CPOX: variants seen among roughly 807,000 people sequenced by gnomAD.
CPOX encodes oxygen-dependent coproporphyrinogen-III oxidase, mitochondrial.
In CPOX, 24 loss-of-function variants were observed where a neutral mutation model predicts 48.9. The ratio of observed to expected loss-of-function variants is 0.49; its 90% CI spans 0.36 to 0.69. The LOEUF (loss-of-function observed/expected upper bound fraction) is 0.69. CPOX is among the 30% of genes least tolerant of loss of function. The pLI, the probability that CPOX is intolerant of heterozygous loss-of-function variation, is 0.00. For missense variants in CPOX, 549 were observed against 597.3 expected, an observed-to-expected ratio of 0.92 and a Z score of 0.84; for synonymous variants, 249 against 234.6, an observed-to-expected ratio of 1.06 and a Z score of -0.56.
chr3:98,585,438 T>C lies in CPOX; in HGVS notation c.1172+3A>G. The C allele has an allele frequency of 1.2e-6, 2 of 1,613,382 alleles. No individual in the cohort carries two copies. The highest frequency in any genetic ancestry group is 1.7e-6 in the Non-Finnish European group (2 of 1,179,664). On this transcript the variant is annotated splice_donor_region_variant and intron_variant, in intron 5 of 6. Coordinates refer to ENST00000647941, the MANE Select transcript of CPOX (RefSeq NM_000097.7). ...TGAAAGAATTCGTTTTCCAGTCACT[T>C]ACCGTCCTCTTCTGAGCTGCTGCCA...
rs371521538 is a variant in CPOX at position 98,590,623 on chromosome 3, G to A, written c.811+9C>T. 1.1e-5 allele frequency: 18 copies of A among 1,573,422 alleles called. No homozygotes were observed. The East Asian group carries it at 2.7e-4, about 23-fold the overall frequency. Reference sequence around the variant, plus strand: ...CGACAGTACTTTCCGTAGCTCCTGAGACCCTTACCATCAGCTTCTTCTACT... The same window carrying A: ...CGACAGTACTTTCCGTAGCTCCTGAAACCCTTACCATCAGCTTCTTCTACT... On this transcript the variant is annotated intron_variant, in intron 3 of 6. Transcript: ENST00000647941.
At chr3:98,585,925 T>A in intron 4 of CPOX, 1 of 385,392 alleles carries the variant, frequency 2.6e-6, no homozygotes, top group Non-Finnish European at 5.0e-6. Flanking sequence ...CACGCTGGAG[T>A]GCAGTGGTGC....
chr3:98,588,996 T>G lies in CPOX; in HGVS notation c.812-142A>C, dbSNP rs1707422583. On this transcript the variant is annotated intron_variant, in intron 3 of 6. Coordinates refer to ENST00000647941, the MANE Select transcript of CPOX (RefSeq NM_000097.7). The stretch of plus-strand genomic sequence containing the variant: ...AAAAAATTTTAACTGATTTTAGCTC[T>G]GAAGACCAGTAAGGCCTAGGCAGAA... 1.8e-5 allele frequency: 18 copies of G among 975,122 alleles called. No homozygotes were observed. In the South Asian group the frequency reaches 2.5e-4, roughly 14 times the overall value. 60.4% of individuals were successfully genotyped at this position (975,122 alleles called of 1,614,324 possible).
rs796425510 is a variant in CPOX, at chr3:98,586,715, C to T, written c.954-1056G>A. ...ATCCCAGCACTTTGGGAGGCCGAGGCAGGCGGATCACGAGGTCAGGAGATC... is the reference window on the plus strand; with the variant it reads ...ATCCCAGCACTTTGGGAGGCCGAGGTAGGCGGATCACGAGGTCAGGAGATC... On this transcript the variant is annotated intron_variant, in intron 4 of 6. Transcript: ENST00000647941. Among the ~76,000 whole-genome samples the T allele has an allele frequency of 5.3e-5, 8 of 152,190 alleles. No homozygotes were observed. The East Asian group carries it at 7.8e-4, about 15-fold the overall frequency.
downstream of CPOX, chr3:98,578,311 C>T (rs139089971): frequency 9.9e-5 from 72 of 725,262 alleles, no homozygotes; most frequent in African/African-American, 1.7e-4. Flanking sequence ...TTCATTTACC[C>T]GCCACAGCTT....
At chr3:98,582,627 G>T (rs1268082619) in intron 5 of CPOX, among the ~76,000 whole-genome samples, 1 of 151,960 alleles carries the variant, frequency 6.6e-6, no homozygotes, top group Admixed American at 6.6e-5. Context: ...GAGTAGCTGG[G>T]ACTATAGGCA....
Position 98,579,962 on chromosome 3 carries a change from C to G in CPOX, c.*721G>C, listed in dbSNP as rs1351952895. ...ATTCAGGGATATAAGCTTTCACATT[C>G]AAAAGTGCAGAGAATCCCAACATTA... On this transcript the variant is annotated 3_prime_UTR_variant, in exon 7 of 7. Coordinates refer to ENST00000647941, the MANE Select transcript of CPOX (RefSeq NM_000097.7). 2.0e-6 allele frequency: 2 copies of G among 985,604 alleles called. No individual in the cohort carries two copies. Among genetic ancestry groups the G allele is most frequent in the South Asian group, 4.7e-5 (1 of 21,292 alleles). 61.1% of individuals were successfully genotyped at this position (985,604 alleles called of 1,614,324 possible). A position where few individuals can be genotyped will look rare whatever the true frequency, so the allele number is the denominator to read the frequency against.
chr3:98,571,706 GA>G, the CPOX span, among the ~76,000 whole-genome samples: 77 of 146,460 alleles, frequency 5.3e-4, no homozygotes, highest in African/African-American at 1.7e-3. Context: ...AAAGAAAAAA[GA>G]AAAAAAAGAA....
At chr3:98,584,012 A>G (rs771723070) in intron 5 of CPOX, among the ~76,000 whole-genome samples, 1 of 152,216 alleles carries the variant, frequency 6.6e-6, no homozygotes, top group Non-Finnish European at 1.5e-5. Flanking sequence ...CCAGACATGC[A>G]ATGATACACA....
In CPOX at chr3:98,590,658, C is replaced by G. The variant is rs747912295; in HGVS notation, c.785G>C (p.Arg262Thr). The change falls in exon 3 of 7, where the codon AGA becomes ACA. Residue 262 changes from arginine to threonine, a missense_variant. Transcript: ENST00000647941. ...PHAPTIHFNY[R>T]YFEVEEADGN... The stretch of plus-strand genomic sequence containing the variant: ...ATCAGCTTCTTCTACTTCAAAGTAT[C>G]TGTAGTTGAAATGGATAGTAGGAGC... The G allele has an allele frequency of 1.2e-6, 2 of 1,612,828 alleles. No homozygotes were observed. The highest frequency in any genetic ancestry group is 1.7e-6 in the Non-Finnish European group (2 of 1,178,758).
intron 3 of CPOX, 69 bp downstream of exon 3, chr3:98,590,563 T>C (rs761070043): frequency 9.3e-7 from 1 of 1,069,860 alleles, no homozygotes; most frequent in East Asian, 2.4e-5. Context: ...TTAGATGTTA[T>C]GCCCTCTTAT....
chr3:98,592,495 T>C (rs1707499334), intron 1 of CPOX, among the ~76,000 whole-genome samples: 1 of 152,074 alleles, frequency 6.6e-6, no homozygotes, highest in South Asian at 2.1e-4. Flanking sequence ...CACAATGACA[T>C]CCTGGCTGGA....
Position 98,579,998 on chromosome 3 carries a change from G to T in CPOX, c.*685C>A. 1.0e-6 allele frequency: 1 copy of T among 985,000 alleles called. No individual in the cohort carries two copies. The highest frequency in any genetic ancestry group is 1.2e-6 in the Non-Finnish European group (1 of 829,246). The allele number at this position is 985,000 out of a possible 1,614,324, so 61.0% of individuals were successfully genotyped here. ...AGAATCCCAACATTAACAAACAATGGTTCCACAAAAATCAAAATTACAACT... is the reference window on the plus strand; with the variant it reads ...AGAATCCCAACATTAACAAACAATGTTTCCACAAAAATCAAAATTACAACT... On this transcript the variant is annotated 3_prime_UTR_variant, in exon 7 of 7. Transcript: ENST00000647941.
downstream of CPOX, among the ~76,000 whole-genome samples, chr3:98,575,797 C>A (rs570849439): frequency 6.9e-6 from 1 of 145,844 alleles, no homozygotes; most frequent in Admixed American, 6.8e-5. Flanking sequence ...GCCGGGTGTG[C>A]TGGCTCATGC....
chr3:98,575,423 G>T (rs988553940), downstream of CPOX, among the ~76,000 whole-genome samples: 3 of 152,208 alleles, frequency 2.0e-5, no homozygotes, highest in Admixed American at 6.5e-5. Context: ...GAATAGAGCT[G>T]GCTACACTGA....
chr3:98,587,105 A>C (rs1707378966), intron 4 of CPOX, among the ~76,000 whole-genome samples: 1 of 152,230 alleles, frequency 6.6e-6, no homozygotes, highest in South Asian at 2.1e-4. Context: ...AAAGCTATTT[A>C]AAAGGTTACC....
chr3:98,593,201 A>G lies in CPOX; in HGVS notation c.304T>C (p.Leu102=). ...AFGHVQRAEM[L]PKTSGTRATS... The stretch of plus-strand genomic sequence containing the variant: ...GCCCGCGTCCCCGAGGTCTTAGGCA[A>G]CATCTCCGCCCGCTGCACATGCCCG... The change falls in exon 1 of 7, where the codon TTG becomes CTG. Residue 102 remains leucine, a synonymous_variant. Transcript: ENST00000647941. The G allele has an allele frequency of 6.3e-7, 1 of 1,598,782 alleles. No individual in the cohort carries two copies. Among genetic ancestry groups the G allele is most frequent in the Non-Finnish European group, 8.5e-7 (1 of 1,173,128 alleles).
At chr3:98,585,818 G>T (rs1206364613) in intron 4 of CPOX, 159 bp from the exon 5 acceptor site, 1 of 685,756 alleles carries the variant, frequency 1.5e-6, no homozygotes, top group African/African-American at 1.8e-5. Flanking sequence ...ACTTTAGACA[G>T]ATAGATTTTT....
At chr3:98,591,893 G>GTACT (rs1346879584) in intron 1 of CPOX, among the ~76,000 whole-genome samples, 1 of 151,978 alleles carries the variant, frequency 6.6e-6, no homozygotes, top group African/African-American at 2.4e-5. Context: ...CTGCTGACAA[G>GTACT]TGGCTGCAAC....
Sources: gnomAD v4.1 joint callset for allele counts (sites outside exome capture counted in the v4.1 genomes callset) on GRCh38, gnomAD v4.1.1 for gene constraint, MANE v1.5 for transcripts, NCBI Gene and HGNC (gene_info 2026-07-23, HGNC 2026-07-21) for gene names.